The following IFT172 variants were observed in gnomAD, a reference collection of about 807,000 sequenced individuals.
The protein encoded by IFT172 is intraflagellar transport protein 172 homolog.
In IFT172, 164 loss-of-function variants were observed where a neutral mutation model predicts 248.9. The ratio of observed to expected loss-of-function variants is 0.66; its 90% CI spans 0.58 to 0.75. The LOEUF is 0.75. IFT172 is among the 30% of genes least tolerant of loss of function. The pLI is 0.00. For missense variants in IFT172, 1,950 were observed against 2,192.4 expected, an observed-to-expected ratio of 0.89 and a Z score of 2.21; for synonymous variants, 729 against 791.6, an observed-to-expected ratio of 0.92 and a Z score of 1.33.
At chr2:27,464,390 T>C (rs1666918273) in intron 18 of IFT172, among the ~76,000 whole-genome samples, 2 of 152,066 alleles carry the variant, frequency 1.3e-5, no homozygotes, top group African/African-American at 4.8e-5. Context: ...GAAGCCAAGG[T>C]TTGGGAAGGT....
chr2:27,481,257 T>C lies in IFT172; in HGVS notation c.574A>G (p.Lys192Glu). The change falls in exon 8 of 48, where the codon AAG (lysine) becomes GAG (glutamate). Residue 192 changes from lysine to glutamate, a missense_variant. Lys to Glu is a moderately conservative substitution (Grantham distance 56, BLOSUM62 1). Transcript: ENST00000260570. Reference protein sequence around the residue: ...DDEGSGESQGKLVNHPCPPYA... With the variant: ...DDEGSGESQGELVNHPCPPYA... The stretch of plus-strand genomic sequence containing the variant: ...GGTGGACACGGGTGGTTAACCAACT[T>C]CCCCTAAGACAGAAGTAGAGGGTTT... 6.2e-7 allele frequency: 1 copy of C among 1,610,786 alleles called. No homozygotes were observed. The highest frequency in any genetic ancestry group is 2.2e-4 in the Middle Eastern group (1 of 4,518).
Position 27,448,570 on chromosome 2 carries a change from T to C in IFT172, c.4428+345A>G, listed in dbSNP as rs561522662. Among the ~76,000 whole-genome samples the C allele has an allele frequency of 4.6e-5, 7 of 152,308 alleles. No individual in the cohort carries two copies. In the South Asian group the frequency reaches 1.4e-3, roughly 32 times the overall value. On this transcript the variant is annotated intron_variant, in intron 40 of 47. Transcript: ENST00000260570. ...CAGAGTCACAACATTGTGACTCAGA[T>C]CAGGGAGCAGTGTTCATTCTCTGGA...
Position 27,459,368 on chromosome 2 carries a change from T to C in IFT172, c.2787+10A>G, listed in dbSNP as rs199842476. On this transcript the variant is annotated intron_variant, in intron 25 of 47. Transcript: ENST00000260570. Reference sequence around the variant, plus strand: ...ATTGCCTCGTGCTGCGGAAAGGGACTCTTCCTCACCTCATACTCCTGCAGG... The same window carrying C: ...ATTGCCTCGTGCTGCGGAAAGGGACCCTTCCTCACCTCATACTCCTGCAGG... 55 of 1,613,624 alleles carry C rather than the reference T, an allele frequency of 3.4e-5. No individual in the cohort carries two copies. The highest frequency in any genetic ancestry group is 4.2e-5 in the Non-Finnish European group (50 of 1,179,890).
At chr2:27,476,969 G>C in intron 13 of IFT172, 1 of 592,300 alleles carries the variant, frequency 1.7e-6, no homozygotes, top group East Asian at 2.8e-5. Context: ...GACTACAGGG[G>C]TGTGCCACCA....
At chr2:27,456,680 C>T (rs764585997) in intron 29 of IFT172, 27 bp from the exon 30 acceptor site, 5 of 1,608,730 alleles carry the variant, frequency 3.1e-6, no homozygotes, top group Non-Finnish European at 4.2e-6. Flanking sequence ...CTCAATAATC[C>T]TGCAATACAG....
intron 10 of IFT172, among the ~76,000 whole-genome samples, chr2:27,478,798 G>A (rs2148545410): frequency 6.6e-6 from 1 of 152,256 alleles, no homozygotes; most frequent in South Asian, 2.1e-4. Context: ...GAAGGACAGA[G>A]GTAGAAAAAA....
Position 27,470,930 on chromosome 2 carries a change from T to A in IFT172, c.1690A>T (p.Arg564Trp). Reference protein sequence around the residue: ...APERVTMFTIRGDVIGLERGG... With the variant: ...APERVTMFTIWGDVIGLERGG... ...AGGGCCCCTAGTGTCCAACATACCC[T>A]AATAGTGAACATGGTGACTCTCTCA... The change falls in exon 16 of 48, where the codon AGG becomes TGG. Residue 564 changes from arginine (R) to tryptophan (W), a missense_variant and splice_region_variant. By Grantham distance (101) the Arg-to-Trp change is moderately radical. This residue lies in a region of IFT172 where 1,166 missense variants were observed against 1,254.1 expected (regional missense o/e 0.93). Coordinates refer to ENST00000260570, the MANE Select transcript of IFT172 (RefSeq NM_015662.3). 1 of 1,602,418 alleles carries A rather than the reference T, an allele frequency of 6.2e-7. No individual in the cohort carries two copies. Among genetic ancestry groups the A allele is most frequent in the Non-Finnish European group, 8.5e-7 (1 of 1,175,834 alleles).
At chr2:27,447,436 G>A in intron 42 of IFT172, 79 bp downstream of exon 42, 6 of 1,545,778 alleles carry the variant, frequency 3.9e-6, no homozygotes, top group South Asian at 3.7e-5. Flanking sequence ...GAAGAATCCA[G>A]AACGTGAATC....
At position 27,445,590 on chromosome 2, in the gene IFT172, G is replaced by A. The variant is rs1558349343; in HGVS notation, c.4915-141C>T. 4.7e-6 allele frequency: 6 copies of A among 1,273,590 alleles called. No individual in the cohort carries two copies. In the South Asian group the frequency reaches 5.9e-5, roughly 12 times the overall value. The allele number at this position is 1,273,590 out of a possible 1,614,324, so 78.9% of individuals were successfully genotyped here. A position where few individuals can be genotyped will look rare whatever the true frequency, so the allele number is the denominator to read the frequency against. ...ACGAATCCTCCTTGGATTGGGGGAT[G>A]CAGTCACAGCCTTTTCTTTCTATTT... On this transcript the variant is annotated intron_variant, in intron 45 of 47. Transcript: ENST00000260570. The surrounding 1 kb of genome is among the most constrained non-coding windows in gnomAD (Gnocchi z 4.4).
intron 30 of IFT172, 105 bp downstream of exon 30, chr2:27,456,406 C>A: frequency 7.0e-7 from 1 of 1,433,850 alleles, no homozygotes; most frequent in Non-Finnish European, 9.4e-7. Context: ...GCCACTCTAT[C>A]ATGTCCTTCC....
chr2:27,471,646 T>C (rs1239763351), intron 15 of IFT172: 1 of 161,296 alleles, frequency 6.2e-6, no homozygotes, highest in Non-Finnish European at 1.3e-5. Flanking sequence ...GTTAAGGAAG[T>C]TTCCTGAGGG....
Position 27,449,725 on chromosome 2 carries a change from TGTTC to T in IFT172, c.4122_4125del (p.Trp1374Ter). The T allele has an allele frequency of 6.2e-7, 1 of 1,614,072 alleles. No individual in the cohort carries two copies. Among genetic ancestry groups the T allele is most frequent in the South Asian group, 1.1e-5 (1 of 91,064 alleles). On this transcript the variant is annotated frameshift_variant, in exon 37 of 48. Coordinates refer to ENST00000260570, the MANE Select transcript of IFT172 (RefSeq NM_015662.3). LOFTEE classifies it high-confidence loss of function. ...AACTCCTTAGCTACACGCTTCGCCT[TGTTC>T]CACTCCTCACCCTCGATGAAAGCAT...
Position 27,459,773 on chromosome 2 carries a change from A to G in IFT172, c.2578T>C (p.Trp860Arg), listed in dbSNP as rs748125718. 5.0e-6 allele frequency: 8 copies of G among 1,613,012 alleles called. No individual in the cohort carries two copies. The East Asian group carries it at 1.8e-4, about 36-fold the overall frequency. The part of the protein sequence containing the change: ...PVEVVKLEEA[W>R]GDHLVQQKQL... ...TTCTGCTGCACCAGGTGGTCCCCCC[A>G]TGCCTCCTCTAGTTTCACCACCTCC... The change falls in exon 24 of 48, where the codon TGG becomes CGG. Residue 860 changes from tryptophan (W) to arginine (R), a missense_variant. Trp to Arg is a moderately radical substitution (Grantham distance 101). Around this residue, in one of 3 missense-constraint regions of IFT172, gnomAD observed 1,166 missense variants for 1,254.1 expected, o/e 0.93. Transcript: ENST00000260570.
chr2:27,476,339 T>A (rs1404509260), intron 14 of IFT172, among the ~76,000 whole-genome samples: 1 of 152,112 alleles, frequency 6.6e-6, no homozygotes, highest in African/African-American at 2.4e-5. Context: ...GGCACAAACA[T>A]AGCTCACTGC....
In IFT172 at chr2:27,485,628, A is replaced by G. The variant is rs1232514331; in HGVS notation, c.40-125T>C. 12 of 1,105,558 alleles carry G rather than the reference A, an allele frequency of 1.1e-5. 1 individual carries two copies. The South Asian group carries it at 1.7e-4, about 16-fold the overall frequency. The allele number at this position is 1,105,558 out of a possible 1,614,324, so 68.5% of individuals were successfully genotyped here. A position where few individuals can be genotyped will look rare whatever the true frequency, so the allele number is the denominator to read the frequency against. Reference sequence around the variant, plus strand: ...TTCCTGTCACGGTTCTATCCTCAAAACAAAGAGATGCCTGTGGCCCATGCT... The same window carrying G: ...TTCCTGTCACGGTTCTATCCTCAAAGCAAAGAGATGCCTGTGGCCCATGCT... On this transcript the variant is annotated intron_variant, in intron 1 of 47. Coordinates refer to ENST00000260570, the MANE Select transcript of IFT172 (RefSeq NM_015662.3).
intron 39 of IFT172, 56 bp downstream of exon 39, chr2:27,449,238 G>C (rs979980574): frequency 1.3e-6 from 2 of 1,597,718 alleles, no homozygotes; most frequent in Non-Finnish European, 8.6e-7. Context: ...CTTTGAGGCA[G>C]GTGGGGAATC....
Position 27,481,078 on chromosome 2 carries a change from C to T in IFT172, c.753G>A (p.Gly251=). The T allele has an allele frequency of 6.2e-7, 1 of 1,614,022 alleles. No individual in the cohort carries two copies. Among genetic ancestry groups the T allele is most frequent in the Non-Finnish European group, 8.5e-7 (1 of 1,180,004 alleles). Residue 251 remains glycine (G), a synonymous_variant, in exon 8 of 48, where the codon GGG becomes GGA. Coordinates refer to ENST00000260570, the MANE Select transcript of IFT172 (RefSeq NM_015662.3). Reference sequence around the variant, plus strand: ...AACTTCCTAGCACAACAGACTGGCCCCCAGGACTTGATACAGCTGTGGTGA... The same window carrying T: ...AACTTCCTAGCACAACAGACTGGCCTCCAGGACTTGATACAGCTGTGGTGA... The part of the protein sequence containing the change: ...REFTTAVSSP[G]GQSVVLGSYD...
rs1409735662 is a variant in IFT172 at position 27,487,678 on chromosome 2, T to C, written c.39+1937A>G. Among the ~76,000 whole-genome samples the C allele has an allele frequency of 3.3e-5, 5 of 149,278 alleles. No individual in the cohort carries two copies. In the East Asian group the frequency reaches 1.0e-3, roughly 31 times the overall value. On this transcript the variant is annotated intron_variant, in intron 1 of 47. Coordinates refer to ENST00000260570, the MANE Select transcript of IFT172 (RefSeq NM_015662.3). Reference sequence around the variant, plus strand: ...GTGCGATCTTGACTCACTGCAACTCTGCCTCCTGAGTTCAAGCGATTCTCC... The same window carrying C: ...GTGCGATCTTGACTCACTGCAACTCCGCCTCCTGAGTTCAAGCGATTCTCC...
chr2:27,459,459 T>C lies in IFT172; in HGVS notation c.2706A>G (p.Ile902Met), dbSNP rs527662034. ...CAGTGTTCCGGTCCTGTAGATCTAA[T>C]ATATAAATTGCCTTCTTCCACTGGC... is the stretch of plus-strand genomic sequence containing the variant. The part of the protein sequence containing the change: ...GARQWKKAIY[I>M]LDLQDRNTAS... The change falls in exon 25 of 48, where the codon ATA becomes ATG. Residue 902 changes from isoleucine to methionine, a missense_variant. This residue lies in a region of IFT172 where 1,166 missense variants were observed against 1,254.1 expected (regional missense o/e 0.93). Coordinates refer to ENST00000260570, the MANE Select transcript of IFT172 (RefSeq NM_015662.3). 4.3e-6 allele frequency: 7 copies of C among 1,614,216 alleles called. No individual in the cohort carries two copies. The highest frequency in any genetic ancestry group is 2.7e-5 in the African/African-American group (2 of 75,056).
Sources: allele counts gnomAD v4.1 joint callset (sites outside exome capture counted in the v4.1 genomes callset), GRCh38; gene constraint gnomAD v4.1.1; regional missense constraint gnomAD v4.1.1; non-coding constraint Gnocchi (gnomAD v3.1); transcripts MANE v1.5; gene names NCBI Gene and HGNC (gene_info 2026-07-23, HGNC 2026-07-21).